Variants in YARS2 observed in about 807,000 individuals in gnomAD.
YARS2 encodes the protein tyrosine--tRNA ligase, mitochondrial.
In YARS2, 38 loss-of-function variants were observed where a neutral mutation model predicts 45.0. The ratio of observed to expected loss-of-function variants is 0.84; its 90% CI spans 0.65 to 1.11. The LOEUF is 1.11. YARS2 is among the 50% of genes least tolerant of loss of function. YARS2 has a pLI of 0.00. For missense variants in YARS2, 602 were observed against 599.8 expected, an observed-to-expected ratio of 1.00 and a Z score of -0.04; for synonymous variants, 287 against 245.1, an observed-to-expected ratio of 1.17 and a Z score of -1.60.
At chr12:32,750,328 A>C (rs1175882383) in intron 3 of YARS2, among the ~76,000 whole-genome samples, 1 of 151,982 alleles carries the variant, frequency 6.6e-6, no homozygotes, top group African/African-American at 2.4e-5. Flanking sequence ...CAGCCTCCTG[A>C]GTAGCTGGGA....
rs773293242 is a variant in YARS2 at position 32,747,383 on chromosome 12, A to C, written c.1275-20T>G. On this transcript the variant is annotated intron_variant, in intron 4 of 4. Coordinates refer to ENST00000324868, the MANE Select transcript of YARS2 (RefSeq NM_001040436.3). ...CGATACCTAAAAAATAGAAACGTTT[A>C]GTAAGTAGAGAGATCCAATCACTGT... The C allele has an allele frequency of 3.1e-6, 5 of 1,612,258 alleles. No homozygotes were observed. In the African/African-American group the frequency reaches 6.7e-5, roughly 22 times the overall value.
intron 4 of YARS2, 40 bp downstream of exon 4, chr12:32,749,897 T>C (rs1204859509): frequency 1.9e-6 from 3 of 1,611,038 alleles, no homozygotes; most frequent in Non-Finnish European, 2.5e-6. Context: ...TAACATTTAA[T>C]GGTGAATTAA....
Position 32,755,364 on chromosome 12 carries a change from G to C in YARS2, c.511C>G (p.Leu171Val), listed in dbSNP as rs1169652465. The C allele has an allele frequency of 6.2e-7, 1 of 1,614,094 alleles. No homozygotes were observed. Among genetic ancestry groups the C allele is most frequent in the Non-Finnish European group, 8.5e-7 (1 of 1,180,040 alleles). Reference protein sequence around the residue: ...DGRSWGSFTVLDNSAWYQKQH... With the variant: ...DGRSWGSFTVVDNSAWYQKQH... Reference sequence around the variant, plus strand: ...TTCTGGTACCAGGCCGAGTTGTCCAGCACAGTGAAGCTGCCCCAGGAGCGC... The same window carrying C: ...TTCTGGTACCAGGCCGAGTTGTCCACCACAGTGAAGCTGCCCCAGGAGCGC... The change falls in exon 1 of 5, where the codon CTG becomes GTG. Residue 171 changes from leucine (L) to valine (V), a missense_variant. By Grantham distance (32) the Leu-to-Val change is conservative (BLOSUM62 1). Transcript: ENST00000324868.
In YARS2 at chr12:32,746,545, G is replaced by GAGAC. The variant is rs1444110349; in HGVS notation, c.*655_*658dup. On this transcript the variant is annotated 3_prime_UTR_variant, in exon 5 of 5. Transcript: ENST00000324868. ...ATTCCTTTTTTTTTTTTTTTTTTTT[G>GAGAC]AGACAGAGTTTCACTCACTACTCAT... 1.9e-3 allele frequency: 108 copies of GAGAC among 56,152 alleles called. No individual in the cohort carries two copies. Among genetic ancestry groups the GAGAC allele is most frequent in the African/African-American group, 7.4e-3 (101 of 13,576 alleles). The allele number at this position is 56,152 out of a possible 1,614,324, so 3.5% of individuals were successfully genotyped here.
At position 32,755,504 on chromosome 12, in the gene YARS2, C is replaced by T; in HGVS notation, c.371G>A (p.Gly124Asp). Residue 124 changes from glycine (G) to aspartate (D), a missense_variant, in exon 1 of 5, where the codon GGC becomes GAC. Physicochemically the swap from Gly to Asp is moderately conservative, Grantham distance 94. Transcript: ENST00000324868. ...CAGCGCCTCGCGTTCCTTGGTACGG[C>T]CGCTCGGGTCTCCCAGGCGCGCCGT... ...GATARLGDPS[G>D]RTKEREALET... is the part of the protein sequence containing the mutation. 1 of 1,612,274 alleles carries T rather than the reference C, an allele frequency of 6.2e-7. No homozygotes were observed.
chr12:32,749,567 T>C (rs553011232), intron 4 of YARS2, among the ~76,000 whole-genome samples: 3 of 152,252 alleles, frequency 2.0e-5, no homozygotes, highest in South Asian at 4.2e-4. Context: ...TGGAAACACA[T>C]GCTGTGAACT....
chr12:32,755,329 C>G lies in YARS2; in HGVS notation c.546G>C (p.Leu182=), dbSNP rs1383891711. 6.2e-7 allele frequency: 1 copy of G among 1,614,162 alleles called. No homozygotes were observed. The highest frequency in any genetic ancestry group is 8.5e-7 in the Non-Finnish European group (1 of 1,180,038). The change falls in exon 1 of 5, where the codon CTG becomes CTC. Residue 182 remains leucine (L), a synonymous_variant. Coordinates refer to ENST00000324868, the MANE Select transcript of YARS2 (RefSeq NM_001040436.3). ...DNSAWYQKQH[L]VDFLAAVGGH... is the part of the protein sequence containing the mutation. ...CCCCCACTGCCGCCAGGAAGTCCACCAGGTGCTGCTTCTGGTACCAGGCCG... is the reference window on the plus strand; with the variant it reads ...CCCCCACTGCCGCCAGGAAGTCCACGAGGTGCTGCTTCTGGTACCAGGCCG...
chr12:32,755,626 C>T lies in YARS2; in HGVS notation c.249G>A (p.Thr83=), dbSNP rs374166101. Reference sequence around the variant, plus strand: ...GATGACCCACATGAAGCGAGTCTGCCGTGGGGTCGAAGCCACAGTAAATGG... The same window carrying T: ...GATGACCCACATGAAGCGAGTCTGCTGTGGGGTCGAAGCCACAGTAAATGG... ...PQTIYCGFDP[T]ADSLHVGHLL... Residue 83 remains threonine (T), a synonymous_variant, in exon 1 of 5, where the codon ACG becomes ACA. Coordinates refer to ENST00000324868, the MANE Select transcript of YARS2 (RefSeq NM_001040436.3). 2.5e-6 allele frequency: 4 copies of T among 1,614,032 alleles called. No homozygotes were observed. The highest frequency in any genetic ancestry group is 3.4e-6 in the Non-Finnish European group (4 of 1,180,010).
In YARS2 at chr12:32,747,360, A is replaced by C. The variant is rs1167698638; in HGVS notation, c.1278T>G (p.Tyr426Ter). The change falls in exon 5 of 5, where the codon TAT (tyrosine) becomes TAG (stop). Residue 426 changes from tyrosine to a stop codon, truncating the protein, a stop_gained. Transcript: ENST00000324868. LOFTEE classifies it high-confidence loss of function. ...ANAIPDGPRG[Y>*]RMITEGGVSI... The stretch of plus-strand genomic sequence containing the variant: ...TGACTCCGCCTTCTGTTATCATTCG[A>C]TACCTAAAAAATAGAAACGTTTAGT... 1 of 1,613,656 alleles carries C rather than the reference A, an allele frequency of 6.2e-7. No individual in the cohort carries two copies. Among genetic ancestry groups the C allele is most frequent in the African/African-American group, 1.3e-5 (1 of 74,904 alleles).
intron 4 of YARS2, among the ~76,000 whole-genome samples, chr12:32,749,370 T>C (rs929237978): frequency 2.0e-5 from 3 of 152,176 alleles, no homozygotes; most frequent in East Asian, 1.9e-4. Context: ...AATGCACTTT[T>C]CCAGTGTTGG....
intron 1 of YARS2, 22 bp downstream of exon 1, chr12:32,755,074 C>T (rs746672718): frequency 3.7e-6 from 6 of 1,613,930 alleles, no homozygotes; most frequent in Non-Finnish European, 5.1e-6. Flanking sequence ...CCAGGATTTC[C>T]CCAAGGTTTA....
intron 3 of YARS2, among the ~76,000 whole-genome samples, chr12:32,750,490 C>A (rs368662425): frequency 2.0e-4 from 31 of 152,290 alleles, no homozygotes; most frequent in Middle Eastern, 3.4e-3. Context: ...CGTGAGCCAC[C>A]GCGCCCGGCA....
intron 4 of YARS2, among the ~76,000 whole-genome samples, chr12:32,747,853 A>G (rs959697713): frequency 1.3e-5 from 2 of 152,112 alleles, no homozygotes; most frequent in Admixed American, 6.5e-5. Context: ...ACGCCTTGCA[A>G]TCTGCTCTTT....
chr12:32,753,761 C>G (rs1955791785), intron 2 of YARS2, among the ~76,000 whole-genome samples, 157 bp downstream of exon 2: 1 of 152,148 alleles, frequency 6.6e-6, no homozygotes, highest in Non-Finnish European at 1.5e-5. Context: ...AACTTTAGAA[C>G]ACAGTAAAAA....
Position 32,746,881 on chromosome 12 carries a change from T to C in YARS2, c.*323A>G. 1 of 286,396 alleles carries C rather than the reference T, an allele frequency of 3.5e-6. No homozygotes were observed. Among genetic ancestry groups the C allele is most frequent in the Non-Finnish European group, 6.6e-6 (1 of 150,460 alleles). 17.7% of individuals were successfully genotyped at this position (286,396 alleles called of 1,614,324 possible). Reference sequence around the variant, plus strand: ...CCTCTTTTTCATTGTTCCTCATCACTACAAAAAGGAGAGCAGGAAGGGTAA... The same window carrying C: ...CCTCTTTTTCATTGTTCCTCATCACCACAAAAAGGAGAGCAGGAAGGGTAA... On this transcript the variant is annotated 3_prime_UTR_variant, in exon 5 of 5. Transcript: ENST00000324868.
intron 2 of YARS2, among the ~76,000 whole-genome samples, chr12:32,751,934 G>A (rs765053901): frequency 2.0e-5 from 3 of 152,118 alleles, no homozygotes; most frequent in Admixed American, 2.0e-4. Context: ...ATAGTTTACT[G>A]TACTTTTTCT....
intron 1 of YARS2, among the ~76,000 whole-genome samples, chr12:32,754,702 T>C (rs1955812092): frequency 6.7e-6 from 1 of 149,420 alleles, no homozygotes; most frequent in Non-Finnish European, 1.5e-5. Flanking sequence ...TCACTAGTGG[T>C]CTGTTTCCCT....
In YARS2 at chr12:32,755,354, G is replaced by C. The variant is rs747262474; in HGVS notation, c.521C>G (p.Ser174Trp). 24 of 1,614,076 alleles carry C rather than the reference G, an allele frequency of 1.5e-5. No homozygotes were observed. The South Asian group carries it at 2.4e-4, about 16-fold the overall frequency. ...SWGSFTVLDN[S>W]AWYQKQHLVD... The stretch of plus-strand genomic sequence containing the variant: ...CAGGTGCTGCTTCTGGTACCAGGCC[G>C]AGTTGTCCAGCACAGTGAAGCTGCC... The change falls in exon 1 of 5, where the codon TCG (serine) becomes TGG (tryptophan). Residue 174 changes from serine to tryptophan, a missense_variant. Coordinates refer to ENST00000324868, the MANE Select transcript of YARS2 (RefSeq NM_001040436.3).
At position 32,753,959 on chromosome 12, in the gene YARS2, C is replaced by G. The variant is rs1592713287; in HGVS notation, c.906G>C (p.Leu302Phe). 1.2e-6 allele frequency: 2 copies of G among 1,614,188 alleles called. No homozygotes were observed. The highest frequency in any genetic ancestry group is 1.7e-6 in the Non-Finnish European group (2 of 1,180,038). ...LNRDKTSPFE[L>F]YQFFVRQPDD... ...CCGGTTGCCTGACAAAGAATTGATA[C>G]AATTCAAATGGAGATGTCTTATCTC... The change falls in exon 2 of 5, where the codon TTG becomes TTC. Residue 302 changes from leucine (L) to phenylalanine (F), a missense_variant. Leu to Phe is a conservative substitution (Grantham distance 22). Coordinates refer to ENST00000324868, the MANE Select transcript of YARS2 (RefSeq NM_001040436.3).
Sources: allele counts gnomAD v4.1 joint callset (sites outside exome capture counted in the v4.1 genomes callset), GRCh38; gene constraint gnomAD v4.1.1; transcripts MANE v1.5; gene names NCBI Gene and HGNC (gene_info 2026-07-23, HGNC 2026-07-21).